Variants in TMEM63B observed in about 807,000 individuals in gnomAD.
TMEM63B encodes mechanosensitive cation channel TMEM63B.
In TMEM63B, 23 loss-of-function variants were observed where a neutral mutation model predicts 102.6. The ratio of observed to expected loss-of-function variants is 0.22; its 90% CI spans 0.16 to 0.32. The LOEUF is 0.32. Among genes scored for constraint, TMEM63B ranks in the 10% least tolerant of loss-of-function variants. TMEM63B has a pLI of 1.00. For missense variants in TMEM63B, 628 were observed against 1,095.9 expected (o/e 0.57, Z 6.03); for synonymous variants, 444 against 437.0 (o/e 1.02, Z -0.20).
chr6:44,142,671 G>A (rs1764540398), intron 10 of TMEM63B, among the ~76,000 whole-genome samples: 1 of 152,116 alleles, frequency 6.6e-6, no homozygotes, highest in African/African-American at 2.4e-5. Flanking sequence ...TCATGATAAA[G>A]GATGCTGGTG....
rs1358406087 is a variant in TMEM63B at position 44,151,838 on chromosome 6, G to T, written c.1674-8G>T. The T allele has an allele frequency of 6.2e-7, 1 of 1,601,476 alleles. No individual in the cohort carries two copies. Among genetic ancestry groups the T allele is most frequent in the South Asian group, 1.1e-5 (1 of 89,852 alleles). On this transcript the variant is annotated splice_region_variant and splice_polypyrimidine_tract_variant and intron_variant, in intron 18 of 23. Coordinates refer to ENST00000323267, the MANE Select transcript of TMEM63B (RefSeq NM_018426.3). Reference sequence around the variant, plus strand: ...AGGGTGCAGTGCTGGAGCACCTGGTGCCCGCAGGTGTGTGTTCCTGCCCGA... The same window carrying T: ...AGGGTGCAGTGCTGGAGCACCTGGTTCCCGCAGGTGTGTGTTCCTGCCCGA...
chr6:44,128,363 G>A (rs1225231760), intron 1 of TMEM63B, among the ~76,000 whole-genome samples: 1 of 152,234 alleles, frequency 6.6e-6, no homozygotes, highest in Admixed American at 6.5e-5. Flanking sequence ...CTGCGTTGGA[G>A]GGTGCGGTGG....
intron 3 of TMEM63B, 91 bp downstream of exon 3, chr6:44,135,187 C>G: frequency 6.3e-7 from 1 of 1,581,352 alleles, no homozygotes. Context: ...CTCTCTCATT[C>G]CCCTTTGCTG....
chr6:44,153,003 G>A lies in TMEM63B; in HGVS notation c.1942+305G>A, dbSNP rs139379255. Among the ~76,000 whole-genome samples the A allele has an allele frequency of 5.5e-4, 84 of 152,330 alleles. No homozygotes were observed. In the East Asian group the frequency reaches 0.015, roughly 28 times the overall value. ...ATGTGCTTGGACACAGATCACATACGTGCTGACATGTTCACACACACACTC... is the reference window on the plus strand; with the variant it reads ...ATGTGCTTGGACACAGATCACATACATGCTGACATGTTCACACACACACTC... On this transcript the variant is annotated intron_variant, in intron 20 of 23. Transcript: ENST00000323267.
chr6:44,154,553 G>A lies in TMEM63B; in HGVS notation c.2307+108G>A, dbSNP rs369995577. Reference sequence around the variant, plus strand: ...AACCTGTGCCAGACCCCATGGGGGCGGGAAGAGAGCTGGTCTCCCTGGAGG... The same window carrying A: ...AACCTGTGCCAGACCCCATGGGGGCAGGAAGAGAGCTGGTCTCCCTGGAGG... On this transcript the variant is annotated intron_variant, in intron 23 of 23. Coordinates refer to ENST00000323267, the MANE Select transcript of TMEM63B (RefSeq NM_018426.3). 1.1e-4 allele frequency: 161 copies of A among 1,505,416 alleles called. No individual in the cohort carries two copies. In the African/African-American group the frequency reaches 1.9e-3, roughly 18 times the overall value. 93.3% of individuals were successfully genotyped at this position (1,505,416 alleles called of 1,614,324 possible).
Position 44,136,454 on chromosome 6 carries a change from C to A in TMEM63B, c.369+15C>A, listed in dbSNP as rs746567184. ...AAAGGGACAATGTGAGTGCCCTCCC[C>A]CCAAACTTCTTAGTCCCCCACCCCA... On this transcript the variant is annotated intron_variant, in intron 5 of 23. Transcript: ENST00000323267. 6.2e-6 allele frequency: 10 copies of A among 1,604,728 alleles called. No homozygotes were observed. The highest frequency in any genetic ancestry group is 8.5e-6 in the Non-Finnish European group (10 of 1,173,400).
chr6:44,132,944 G>A (rs774435308), intron 1 of TMEM63B, among the ~76,000 whole-genome samples: 5 of 152,178 alleles, frequency 3.3e-5, no homozygotes, highest in Non-Finnish European at 7.3e-5. Flanking sequence ...TGAGTCCTAG[G>A]TCCCTCATTT....
chr6:44,131,139 C>T (rs1371051493), intron 1 of TMEM63B, among the ~76,000 whole-genome samples: 3 of 150,364 alleles, frequency 2.0e-5, no homozygotes, highest in Admixed American at 6.6e-5. Context: ...AGGCTGGTCT[C>T]GAACTCCTGA....
chr6:44,154,250 G>A, intron 22 of TMEM63B, 62 bp downstream of exon 22: 1 of 1,600,310 alleles, frequency 6.2e-7, no homozygotes, highest in Middle Eastern at 1.7e-4. Flanking sequence ...GGAATGCAGA[G>A]GGCCACAGGG....
At chr6:44,129,166 G>A (rs779645634) in intron 1 of TMEM63B, among the ~76,000 whole-genome samples, 2 of 152,034 alleles carry the variant, frequency 1.3e-5, no homozygotes, top group East Asian at 1.9e-4. Flanking sequence ...TCAGGAGTTC[G>A]AGACCAGCCT....
Position 44,155,065 on chromosome 6 carries a change from A to C in TMEM63B, c.*182A>C. 3.5e-6 allele frequency: 2 copies of C among 579,552 alleles called. No individual in the cohort carries two copies. The highest frequency in any genetic ancestry group is 3.5e-5 in the East Asian group (1 of 28,570). 35.9% of individuals were successfully genotyped at this position (579,552 alleles called of 1,614,324 possible). On this transcript the variant is annotated 3_prime_UTR_variant, in exon 24 of 24. Coordinates refer to ENST00000323267, the MANE Select transcript of TMEM63B (RefSeq NM_018426.3). Reference sequence around the variant, plus strand: ...CATGATGGAGGGAGGGAGCCCCCCAACCTCAGTGAGGAGAGCCCCGAGCCG... The same window carrying C: ...CATGATGGAGGGAGGGAGCCCCCCACCCTCAGTGAGGAGAGCCCCGAGCCG...
chr6:44,148,455 T>G lies in TMEM63B; in HGVS notation c.1122-58T>G. The G allele has an allele frequency of 1.2e-6, 2 of 1,612,612 alleles. No homozygotes were observed. The highest frequency in any genetic ancestry group is 1.7e-6 in the Non-Finnish European group (2 of 1,178,990). On this transcript the variant is annotated intron_variant, in intron 13 of 23. Transcript: ENST00000323267. The surrounding 1 kb of genome is among the most constrained non-coding windows in gnomAD (Gnocchi z 5.1). Reference sequence around the variant, plus strand: ...CTCCCTGACCCCTGTGCTCATGGCCTTCTGCCAGCAGTGTGGCCTCCAGGT... The same window carrying G: ...CTCCCTGACCCCTGTGCTCATGGCCGTCTGCCAGCAGTGTGGCCTCCAGGT...
At chr6:44,134,509 G>A (rs1762546969) in intron 1 of TMEM63B, 52 bp from the exon 2 acceptor site, 2 of 1,565,326 alleles carry the variant, frequency 1.3e-6, no homozygotes, top group Admixed American at 1.7e-5. Context: ...ACCCTACTGG[G>A]CCATGAAGGG....
chr6:44,138,613 A>G lies in TMEM63B; in HGVS notation c.407+96A>G, dbSNP rs1763483318. ...AGAAGCCAGCAGCTTTCAGGGCCTT[A>G]GCACTCCTCGCCAGCACAGCACCCT... On this transcript the variant is annotated intron_variant, in intron 6 of 23. Transcript: ENST00000323267. The G allele has an allele frequency of 4.8e-6, 7 of 1,467,704 alleles. No individual in the cohort carries two copies. In the Admixed American group the frequency reaches 1.2e-4, roughly 25 times the overall value. 90.9% of individuals were successfully genotyped at this position (1,467,704 alleles called of 1,614,324 possible). A position where few individuals can be genotyped will look rare whatever the true frequency, so the allele number is the denominator to read the frequency against.
In TMEM63B at chr6:44,151,969, C is replaced by T. The variant is rs756113821; in HGVS notation, c.1797C>T (p.Cys599=). The part of the protein sequence containing the change: ...PGLLMYMIRL[C]LARSAAERRN... ...TGCTCATGTACATGATCCGGCTCTG[C>T]CTGGCGCGCTCGGCCGCCGAGAGGC... Residue 599 remains cysteine (C), a synonymous_variant, in exon 19 of 24, where the codon TGC becomes TGT. Transcript: ENST00000323267. 23 of 1,611,774 alleles carry T rather than the reference C, an allele frequency of 1.4e-5. No individual in the cohort carries two copies. The highest frequency in any genetic ancestry group is 1.8e-5 in the Non-Finnish European group (21 of 1,178,928).
chr6:44,141,661 C>T (rs751959015), intron 10 of TMEM63B, among the ~76,000 whole-genome samples: 6 of 152,100 alleles, frequency 3.9e-5, no homozygotes, highest in South Asian at 2.1e-4. Flanking sequence ...CACCTTGGGG[C>T]GCAGCTCATA....
At chr6:44,126,842 G>C (rs1267644597), upstream of TMEM63B, 2 of 152,154 alleles carry the variant, frequency 1.3e-5, no homozygotes, top group South Asian at 2.1e-4. Flanking sequence ...TAAGAAACCA[G>C]GGAACCCCCT....
chr6:44,146,917 G>A lies in TMEM63B; in HGVS notation c.853G>A (p.Asp285Asn), dbSNP rs775775376. ...CYNVARLMFL[D>N]AERKKAERGK... Reference sequence around the variant, plus strand: ...CAACGTGGCTCGCCTAATGTTCCTCGATGCAGAGAGGTAAGGGACTGGGGG... The same window carrying A: ...CAACGTGGCTCGCCTAATGTTCCTCAATGCAGAGAGGTAAGGGACTGGGGG... Residue 285 changes from aspartate to asparagine, a missense_variant, in exon 11 of 24, where the codon GAT (aspartate) becomes AAT (asparagine). Asp to Asn is a conservative substitution (Grantham distance 23). Coordinates refer to ENST00000323267, the MANE Select transcript of TMEM63B (RefSeq NM_018426.3). 5.0e-5 allele frequency: 81 copies of A among 1,613,892 alleles called. No homozygotes were observed. Among genetic ancestry groups the A allele is most frequent in the Admixed American group, 3.2e-4 (19 of 59,996 alleles).
intron 5 of TMEM63B, 77 bp from the exon 6 acceptor site, chr6:44,138,403 T>C (rs1763440916): frequency 6.3e-7 from 1 of 1,580,684 alleles, no homozygotes; most frequent in African/African-American, 1.3e-5. Flanking sequence ...ATTATGAGAA[T>C]GGGTGGGACT....
Sources: gnomAD v4.1 joint callset for allele counts (sites outside exome capture counted in the v4.1 genomes callset) on GRCh38, gnomAD v4.1.1 for gene constraint, Gnocchi (gnomAD v3.1) non-coding constraint, MANE v1.5 for transcripts, NCBI Gene and HGNC (gene_info 2026-07-23, HGNC 2026-07-21) for gene names.